TMEM117: variants seen among roughly 807,000 people sequenced by gnomAD.
TMEM117 encodes the protein transmembrane protein 117.
Under a neutral mutation model 52.4 loss-of-function variants are expected in TMEM117, and 27 were observed. The ratio of observed to expected loss-of-function variants is 0.51; its 90% confidence interval spans 0.38 to 0.71. The LOEUF (loss-of-function observed/expected upper bound fraction) is 0.71, where lower values mean the gene tolerates loss of function less well. Among genes scored for constraint, TMEM117 ranks in the 30% least tolerant of loss-of-function variants. The pLI is 0.00. For synonymous variants in TMEM117, 215 were observed against 206.3 expected, an observed-to-expected ratio of 1.04 and a Z score of -0.36; for missense variants, 556 against 630.5, an observed-to-expected ratio of 0.88 and a Z score of 1.26.
intron 2 of TMEM117, among the ~76,000 whole-genome samples, chr12:43,914,829 T>C (rs1944573355): frequency 1.3e-5 from 2 of 152,194 alleles, no homozygotes; most frequent in Admixed American, 1.3e-4. Flanking sequence ...TTGATGGTAT[T>C]TGATTTTGTT....
intron 3 of TMEM117, among the ~76,000 whole-genome samples, chr12:44,141,581 C>A (rs1422071013): frequency 1.3e-5 from 2 of 152,118 alleles, no homozygotes; most frequent in East Asian, 3.8e-4. Flanking sequence ...AAAATTTCCA[C>A]TCTACCCCAA....
intron 5 of TMEM117, among the ~76,000 whole-genome samples, chr12:44,226,909 T>G (rs1949869020): frequency 6.6e-6 from 1 of 152,114 alleles, no homozygotes; most frequent in Non-Finnish European, 1.5e-5. Context: ...AGAGCAGCCC[T>G]AGCAGGCTCA....
Position 43,844,940 on chromosome 12 carries a change from G to A in TMEM117, c.277+12G>A, listed in dbSNP as rs1206416291. 1 of 1,597,132 alleles carries A rather than the reference G, an allele frequency of 6.3e-7. No individual in the cohort carries two copies. The highest frequency in any genetic ancestry group is 8.5e-7 in the Non-Finnish European group (1 of 1,175,268). ...TCAGCGTTTGTTTGGTAAGTACCATGACCCATGAAATGTAATATCACTAAT... is the reference window on the plus strand; with the variant it reads ...TCAGCGTTTGTTTGGTAAGTACCATAACCCATGAAATGTAATATCACTAAT... On this transcript the variant is annotated intron_variant, in intron 2 of 7. Coordinates refer to ENST00000266534, the MANE Select transcript of TMEM117 (RefSeq NM_032256.3).
At chr12:43,800,612 T>C in the TMEM117 span, 6 of 1,078,742 alleles carry the variant, frequency 5.6e-6, no homozygotes, top group Admixed American at 2.0e-5. Flanking sequence ...TATATTAATA[T>C]CCTGAATCAC....
chr12:43,873,015 G>A (rs999705029), intron 2 of TMEM117, among the ~76,000 whole-genome samples: 2 of 152,176 alleles, frequency 1.3e-5, no homozygotes, highest in African/African-American at 4.8e-5. Flanking sequence ...AGGAAGATCG[G>A]TAGAGAATTT....
intron 5 of TMEM117, among the ~76,000 whole-genome samples, chr12:44,237,230 C>G (rs1950007868): frequency 6.6e-6 from 1 of 152,092 alleles, no homozygotes; most frequent in Admixed American, 6.6e-5. Context: ...CACGTTTCAT[C>G]TGCTTAGTTT....
At chr12:44,277,049 T>C (rs1027647415) in intron 5 of TMEM117, among the ~76,000 whole-genome samples, 1 of 152,158 alleles carries the variant, frequency 6.6e-6, no homozygotes, top group African/African-American at 2.4e-5. Context: ...GAAGGCATTA[T>C]TCTTTCTCGT....
intron 2 of TMEM117, among the ~76,000 whole-genome samples, chr12:43,913,019 A>G (rs1162803926): frequency 6.6e-6 from 1 of 152,224 alleles, no homozygotes; most frequent in Admixed American, 6.5e-5. Flanking sequence ...TGTTTTGAGA[A>G]GTGGAATACT....
chr12:44,330,216 G>C lies in TMEM117; in HGVS notation c.768+30477G>C, dbSNP rs544000597. Among the ~76,000 whole-genome samples, 240 of 152,074 alleles carry C rather than the reference G, an allele frequency of 1.6e-3. 3 individuals are homozygous for C. The highest frequency in any genetic ancestry group is 5.4e-3 in the African/African-American group (223 of 41,500). The stretch of plus-strand genomic sequence containing the variant: ...ACTGAATGTGAAGTGGTATCTCATT[G>C]TGGTTTTGATTGCATTTTTTAATGA... On this transcript the variant is annotated intron_variant, in intron 6 of 7. Transcript: ENST00000266534.
At chr12:43,927,207 T>TAA (rs1241274917) in intron 2 of TMEM117, among the ~76,000 whole-genome samples, 1 of 152,048 alleles carries the variant, frequency 6.6e-6, no homozygotes, top group African/African-American at 2.4e-5. Flanking sequence ...GTATAAAAAT[T>TAA]ATTTAACATT....
chr12:43,898,716 CA>C (rs1285822526), intron 2 of TMEM117, among the ~76,000 whole-genome samples: 39 of 152,140 alleles, frequency 2.6e-4, no homozygotes, highest in Admixed American at 6.6e-4. Flanking sequence ...ATGTACAACA[CA>C]GTAGTTAGTT....
intron 3 of TMEM117, among the ~76,000 whole-genome samples, chr12:43,994,641 C>T (rs1434321849): frequency 6.6e-6 from 1 of 151,784 alleles, no homozygotes; most frequent in Non-Finnish European, 1.5e-5. Context: ...TCTTTTTTAT[C>T]TAGTAGTGTA....
chr12:44,284,285 C>T (rs978911268), intron 5 of TMEM117, among the ~76,000 whole-genome samples: 1 of 152,034 alleles, frequency 6.6e-6, no homozygotes, highest in Non-Finnish European at 1.5e-5. Flanking sequence ...GCATTCCAGC[C>T]TGGTGACACA....
At chr12:43,807,594 A>G in the TMEM117 span, among the ~76,000 whole-genome samples, 1 of 152,196 alleles carries the variant, frequency 6.6e-6, no homozygotes, top group Non-Finnish European at 1.5e-5. Flanking sequence ...TGACTGATTC[A>G]TGTCCTAGTG....
intron 4 of TMEM117, among the ~76,000 whole-genome samples, chr12:44,187,775 T>C (rs568321017): frequency 6.6e-6 from 1 of 152,212 alleles, no homozygotes; most frequent in East Asian, 1.9e-4. Context: ...AGGTAAGGGG[T>C]ACAGTACACA....
chr12:44,230,301 G>T (rs773358114), intron 5 of TMEM117, among the ~76,000 whole-genome samples: 2 of 151,958 alleles, frequency 1.3e-5, no homozygotes, highest in Non-Finnish European at 2.9e-5. Context: ...TTGAAAATAC[G>T]TACCCAAAAG....
chr12:44,360,501 A>G (rs971612621), intron 6 of TMEM117, among the ~76,000 whole-genome samples: 1 of 151,698 alleles, frequency 6.6e-6, no homozygotes, highest in African/African-American at 2.4e-5. Flanking sequence ...CCAGGGGTGA[A>G]GGTTGCAGTG....
At chr12:44,301,736 A>T (rs911643120) in intron 6 of TMEM117, among the ~76,000 whole-genome samples, 56 of 152,168 alleles carry the variant, frequency 3.7e-4, no homozygotes, top group African/African-American at 1.2e-3. Flanking sequence ...TCTTATTGTA[A>T]AATGGCCTTT....
chr12:44,361,970 C>G (rs997463358), intron 6 of TMEM117, among the ~76,000 whole-genome samples: 2 of 152,162 alleles, frequency 1.3e-5, no homozygotes, highest in Non-Finnish European at 2.9e-5. Flanking sequence ...TTTCTAAGAT[C>G]TAGCAGAGCA....
Sources: allele counts gnomAD v4.1 joint callset (sites outside exome capture counted in the v4.1 genomes callset), GRCh38; gene constraint gnomAD v4.1.1; transcripts MANE v1.5; gene names NCBI Gene and HGNC (gene_info 2026-07-23, HGNC 2026-07-21).